The following CNTNAP4 variants were observed in gnomAD, a reference collection of about 807,000 sequenced individuals.
CNTNAP4 encodes contactin-associated protein-like 4.
Under a neutral mutation model 148.4 loss-of-function variants are expected in CNTNAP4, and 98 were observed. That is an observed-to-expected ratio of 0.66 (90% CI 0.56 to 0.78). The LOEUF is 0.78. Among genes scored for constraint, CNTNAP4 ranks in the 30% least tolerant of loss-of-function variants. The pLI is 0.00. For synonymous variants in CNTNAP4, 730 were observed against 565.1 expected, an observed-to-expected ratio of 1.29 and a Z score of -4.14; for missense variants, 1,935 against 1,565.6, an observed-to-expected ratio of 1.24 and a Z score of -3.98.
At chr16:76,435,446 G>T (rs2079789246) in intron 4 of CNTNAP4, among the ~76,000 whole-genome samples, 1 of 152,084 alleles carries the variant, frequency 6.6e-6, no homozygotes, top group South Asian at 2.1e-4. Context: ...GCCACCACTT[G>T]GTTCCTGCCA....
intron 3 of CNTNAP4, among the ~76,000 whole-genome samples, chr16:76,416,572 T>C (rs1431830898): frequency 6.6e-6 from 1 of 151,398 alleles, no homozygotes; most frequent in African/African-American, 2.4e-5. Flanking sequence ...GTTATTAATT[T>C]ATAGTTTAAT....
At chr16:76,441,279 C>CAT (rs1468045277) in intron 4 of CNTNAP4, among the ~76,000 whole-genome samples, 1 of 152,096 alleles carries the variant, frequency 6.6e-6, no homozygotes, top group Admixed American at 6.6e-5. Context: ...GAAAGCTCTC[C>CAT]ATAAATACAT....
chr16:76,500,072 G>A (rs1347815273), intron 15 of CNTNAP4, among the ~76,000 whole-genome samples: 2 of 152,136 alleles, frequency 1.3e-5, no homozygotes, highest in African/African-American at 4.8e-5. Flanking sequence ...GAGCTGTTGG[G>A]TACACCTCCC....
intron 3 of CNTNAP4, among the ~76,000 whole-genome samples, chr16:76,391,780 CAG>C (rs1446965298): frequency 6.6e-6 from 1 of 152,156 alleles, no homozygotes; most frequent in Non-Finnish European, 1.5e-5. Context: ...TCAGCATCAT[CAG>C]AGAGACAAAA....
rs116672298 is a variant in CNTNAP4, at chr16:76,403,052, C to T, written c.391-24400C>T. Among the ~76,000 whole-genome samples, 274 of 151,046 alleles carry T rather than the reference C, an allele frequency of 1.8e-3. 2 individuals carry two copies. In the East Asian group the frequency reaches 0.027, roughly 15 times the overall value. On this transcript the variant is annotated intron_variant, in intron 3 of 23. Coordinates refer to ENST00000611870, the MANE Select transcript of CNTNAP4 (RefSeq NM_033401.5). ...GAAGAAAAAAACAACTCCATTAAAA[C>T]GCGGGAAAAGGACATGAACACTGTT...
At chr16:76,539,115 C>T (rs1234581266) in intron 19 of CNTNAP4, among the ~76,000 whole-genome samples, 2 of 151,964 alleles carry the variant, frequency 1.3e-5, no homozygotes, top group African/African-American at 4.8e-5. Context: ...TATATTAGGG[C>T]ATTTTCTTTG....
chr16:76,459,392 T>G (rs1465005439), intron 8 of CNTNAP4, among the ~76,000 whole-genome samples: 1 of 152,226 alleles, frequency 6.6e-6, no homozygotes, highest in Admixed American at 6.5e-5. Context: ...ATTCCAGTTT[T>G]CAGGCCTTTC....
Position 76,540,724 on chromosome 16 carries a change from C to G in CNTNAP4, c.3376C>G (p.Gln1126Glu), listed in dbSNP as rs746197807. 1.3e-6 allele frequency: 2 copies of G among 1,573,204 alleles called. No individual in the cohort carries two copies. Among genetic ancestry groups the G allele is most frequent in the Non-Finnish European group, 8.6e-7 (1 of 1,157,174 alleles). The change falls in exon 21 of 24, where the codon CAA becomes GAA. Residue 1126 changes from glutamine to glutamate, a missense_variant. By Grantham distance (29) the Gln-to-Glu change is conservative. Coordinates refer to ENST00000611870, the MANE Select transcript of CNTNAP4 (RefSeq NM_033401.5). ...FIEIDDNRRR[Q>E]VHLSSGTEFS... ...GTAGATTGACGATAATAGAAGGAGA[C>G]AAGTTCACCTGTCATCAGGCACAGA...
chr16:76,405,184 A>G (rs1221962144), intron 3 of CNTNAP4, among the ~76,000 whole-genome samples: 1 of 151,266 alleles, frequency 6.6e-6, no homozygotes, highest in Non-Finnish European at 1.5e-5. Context: ...TTTCACTATG[A>G]CACTTATAAA....
At chr16:76,498,487 G>C (rs1481704824) in intron 14 of CNTNAP4, 80 bp from the exon 15 acceptor site, 9 of 1,273,972 alleles carry the variant, frequency 7.1e-6, no homozygotes, top group Non-Finnish European at 9.8e-6. Context: ...TGCAAATTTA[G>C]TTCAGAACAT....
chr16:76,351,214 G>C (rs1303674494), intron 2 of CNTNAP4, among the ~76,000 whole-genome samples: 2 of 152,110 alleles, frequency 1.3e-5, no homozygotes, highest in African/African-American at 4.8e-5. Flanking sequence ...GCTGGAGTTA[G>C]TCATCACTTT....
intron 15 of CNTNAP4, among the ~76,000 whole-genome samples, chr16:76,500,043 A>T (rs1019564197): frequency 6.6e-6 from 1 of 152,062 alleles, no homozygotes; most frequent in Non-Finnish European, 1.5e-5. Flanking sequence ...CGCCATCGTC[A>T]TCATGGCCCG....
chr16:76,368,486 T>C (rs2014416290), intron 3 of CNTNAP4, among the ~76,000 whole-genome samples: 1 of 152,218 alleles, frequency 6.6e-6, no homozygotes, highest in Admixed American at 6.5e-5. Context: ...TGTGGAATAC[T>C]ATGCAGCCCT....
intron 3 of CNTNAP4, among the ~76,000 whole-genome samples, chr16:76,399,973 A>G (rs1311672281): frequency 1.3e-5 from 2 of 152,216 alleles, no homozygotes; most frequent in East Asian, 3.8e-4. Flanking sequence ...CAGTATCTAT[A>G]AAAATGTAAA....
At chr16:76,522,544 T>C (rs1435631516) in intron 17 of CNTNAP4, among the ~76,000 whole-genome samples, 1 of 152,022 alleles carries the variant, frequency 6.6e-6, no homozygotes, top group African/African-American at 2.4e-5. Context: ...AACTAATTCC[T>C]ATTTGCCTGC....
chr16:76,434,010 AAT>A (rs60293601), intron 4 of CNTNAP4, among the ~76,000 whole-genome samples: 39,885 of 150,508 alleles, frequency 0.27, 7,771 homozygotes, highest in African/African-American at 0.54. Flanking sequence ...AGACAGAACT[AAT>A]ATATATATGT....
At chr16:76,418,702 A>C (rs2079074637) in intron 3 of CNTNAP4, among the ~76,000 whole-genome samples, 1 of 144,738 alleles carries the variant, frequency 6.9e-6, no homozygotes, top group African/African-American at 2.6e-5. Context: ...TTGTTCTGAT[A>C]ATTGTTTTGT....
At chr16:76,460,494 G>A (rs1274783224) in intron 8 of CNTNAP4, among the ~76,000 whole-genome samples, 5 of 149,108 alleles carry the variant, frequency 3.4e-5, no homozygotes, top group African/African-American at 4.9e-5. Flanking sequence ...AGGCGCGGTG[G>A]CTCACGCCTG....
intron 5 of CNTNAP4, among the ~76,000 whole-genome samples, 184 bp downstream of exon 5, chr16:76,448,399 C>CTTTA (rs1555560010): frequency 3.7e-4 from 57 of 152,208 alleles, no homozygotes; most frequent in South Asian, 2.5e-3. Context: ...TGCACAAAAT[C>CTTTA]TTCAGTGTTT....
Sources: allele counts gnomAD v4.1 joint callset (sites outside exome capture counted in the v4.1 genomes callset), GRCh38; gene constraint gnomAD v4.1.1; transcripts MANE v1.5; gene names NCBI Gene and HGNC (gene_info 2026-07-23, HGNC 2026-07-21).